ALOX5AP: variants seen among roughly 807,000 people sequenced by gnomAD.
ALOX5AP encodes the protein arachidonate 5-lipoxygenase-activating protein.
In ALOX5AP, 9 loss-of-function variants were observed where a neutral mutation model predicts 18.5. The ratio of observed to expected loss-of-function variants is 0.49; its 90% CI spans 0.29 to 0.85. ALOX5AP has a LOEUF of 0.85. Ranked by LOEUF, ALOX5AP falls within the 40% of genes least tolerant of loss-of-function variation. ALOX5AP has a pLI of 0.08. For synonymous variants in ALOX5AP, 81 were observed against 78.6 expected, an observed-to-expected ratio of 1.03 and a Z score of -0.16; for missense variants, 172 against 202.5, an observed-to-expected ratio of 0.85 and a Z score of 0.91.
chr13:30,724,073 C>T lies in ALOX5AP; in HGVS notation c.116+10232C>T, dbSNP rs188564377. On this transcript the variant is annotated intron_variant, in intron 1 of 5. Coordinates refer to the ALOX5AP transcript ENST00000617770. The stretch of plus-strand genomic sequence containing the variant: ...CATTTCCATTACCCCAAAAAGTTCC[C>T]GTGTCCCTCTCCAGTCAATATCCAG... Among the ~76,000 whole-genome samples, 230 of 152,272 alleles carry T rather than the reference C, an allele frequency of 1.5e-3. 2 individuals carry two copies. Among genetic ancestry groups the T allele is most frequent in the Admixed American group, 0.012 (180 of 15,296 alleles).
chr13:30,722,981 C>G (rs1270364652), intron 1 of ALOX5AP, among the ~76,000 whole-genome samples: 1 of 152,200 alleles, frequency 6.6e-6, no homozygotes, highest in Non-Finnish European at 1.5e-5. Flanking sequence ...GCCTGCAGAA[C>G]CATGAGCCAA....
At chr13:30,740,074 C>T (rs1951750900) in intron 1 of ALOX5AP, among the ~76,000 whole-genome samples, 1 of 152,154 alleles carries the variant, frequency 6.6e-6, no homozygotes, top group Admixed American at 6.5e-5. Flanking sequence ...TTCTGAAGTC[C>T]CTTGCCACTG....
intron 2 of ALOX5AP, 192 bp downstream of exon 2, chr13:30,744,351 C>G: frequency 1.9e-6 from 1 of 535,968 alleles, no homozygotes; most frequent in Non-Finnish European, 3.4e-6. Context: ...GTGCTAGTGT[C>G]AAAACAAAGG....
chr13:30,745,163 C>G (rs551372257), intron 2 of ALOX5AP, among the ~76,000 whole-genome samples: 1 of 152,322 alleles, frequency 6.6e-6, no homozygotes, highest in East Asian at 1.9e-4. Context: ...GGGATCTCGA[C>G]TGAACAGGCC....
intron 4 of ALOX5AP, among the ~76,000 whole-genome samples, chr13:30,763,700 A>C (rs895467427): frequency 6.6e-6 from 1 of 152,178 alleles, no homozygotes; most frequent in African/African-American, 2.4e-5. Flanking sequence ...GGTACAGCAG[A>C]GCCCTCGTGG....
chr13:30,723,112 C>T (rs943806156), intron 1 of ALOX5AP, among the ~76,000 whole-genome samples: 21 of 152,224 alleles, frequency 1.4e-4, no homozygotes, highest in Non-Finnish European at 2.9e-4. Flanking sequence ...CCCTGGATCA[C>T]TCCTGTAACA....
chr13:30,758,611 C>G (rs993350048), intron 4 of ALOX5AP, among the ~76,000 whole-genome samples: 1 of 152,160 alleles, frequency 6.6e-6, no homozygotes, highest in African/African-American at 2.4e-5. Flanking sequence ...TTTTGCAGCT[C>G]CCTTTTTAAT....
chr13:30,715,521 A>T (rs1024921442), intron 1 of ALOX5AP, among the ~76,000 whole-genome samples: 1 of 152,114 alleles, frequency 6.6e-6, no homozygotes, highest in Non-Finnish European at 1.5e-5. Flanking sequence ...CACACCATGC[A>T]GATGCAACAG....
chr13:30,742,426 G>A (rs548247918), intron 1 of ALOX5AP: 6 of 152,260 alleles, frequency 3.9e-5, no homozygotes, highest in South Asian at 2.1e-4. Context: ...TTGAAGTCCC[G>A]GCTGCACCTC....
chr13:30,717,060 C>G (rs151337655), intron 1 of ALOX5AP, among the ~76,000 whole-genome samples: 1 of 152,118 alleles, frequency 6.6e-6, no homozygotes, highest in African/African-American at 2.4e-5. Context: ...CCCATGCGGC[C>G]GATCTGTTCC....
At chr13:30,744,200 G>A in intron 2 of ALOX5AP, 41 bp downstream of exon 2, 1 of 1,571,228 alleles carries the variant, frequency 6.4e-7, no homozygotes, top group Non-Finnish European at 8.8e-7. Flanking sequence ...TGGGGGCATG[G>A]GCAGGGGGGC....
intron 1 of ALOX5AP, among the ~76,000 whole-genome samples, chr13:30,724,025 T>C (rs577488719): frequency 6.6e-6 from 1 of 152,176 alleles, no homozygotes; most frequent in Non-Finnish European, 1.5e-5. Context: ...CATGTAACCA[T>C]CACCAAAAAT....
intron 1 of ALOX5AP, among the ~76,000 whole-genome samples, chr13:30,725,950 G>A (rs1336339381): frequency 3.3e-5 from 5 of 152,194 alleles, no homozygotes; most frequent in Non-Finnish European, 4.4e-5. Context: ...CCTGCAGGAT[G>A]CTTTAAGTCA....
intron 1 of ALOX5AP, chr13:30,742,449 G>C (rs919345411): frequency 6.6e-6 from 1 of 152,286 alleles, no homozygotes; most frequent in East Asian, 1.9e-4. Context: ...CCCAGCAGCA[G>C]GTTGACTCTG....
intron 1 of ALOX5AP, among the ~76,000 whole-genome samples, chr13:30,716,837 T>G (rs1951554306): frequency 6.6e-6 from 1 of 152,206 alleles, no homozygotes; most frequent in Non-Finnish European, 1.5e-5. Context: ...AGGGAGGGAA[T>G]ACAGATTAAA....
intron 1 of ALOX5AP, among the ~76,000 whole-genome samples, chr13:30,743,283 A>G (rs938543122): frequency 6.6e-6 from 1 of 151,982 alleles, no homozygotes; most frequent in Admixed American, 6.6e-5. Context: ...AGCTCAGCAC[A>G]CCATATCATT....
intron 4 of ALOX5AP, 63 bp from the exon 5 acceptor site, chr13:30,763,881 T>G: frequency 6.7e-7 from 1 of 1,485,932 alleles, no homozygotes; most frequent in South Asian, 1.2e-5. Flanking sequence ...GTAACATTTT[T>G]GTGTGTGTGA....
intron 1 of ALOX5AP, among the ~76,000 whole-genome samples, chr13:30,741,541 C>A (rs1214100383): frequency 2.5e-4 from 1 of 3,950 alleles, no homozygotes; most frequent in African/African-American, 5.0e-4. Flanking sequence ...GGATTACAGG[C>A]CCCTCCCCAC....
At chr13:30,755,589 A>C (rs1951886678) in intron 3 of ALOX5AP, among the ~76,000 whole-genome samples, 1 of 152,220 alleles carries the variant, frequency 6.6e-6, no homozygotes, top group Non-Finnish European at 1.5e-5. Context: ...CACACATAGA[A>C]TACACTAACC....
Sources: allele counts gnomAD v4.1 joint callset (sites outside exome capture counted in the v4.1 genomes callset), GRCh38; gene constraint gnomAD v4.1.1; transcripts MANE v1.5; gene names NCBI Gene and HGNC (gene_info 2026-07-23, HGNC 2026-07-21).